Variants in PRKCB observed in about 807,000 individuals in gnomAD.
PRKCB encodes protein kinase C beta.
PRKCB carries 13 observed loss-of-function variants against 81.5 expected under a neutral mutation model. That is an observed-to-expected ratio of 0.16 (90% CI 0.10 to 0.25). PRKCB has a LOEUF of 0.25. PRKCB is among the 10% of genes least tolerant of loss of function. The pLI is 1.00. For missense variants in PRKCB, 509 were observed against 875.7 expected, an observed-to-expected ratio of 0.58 and a Z score of 5.29; for synonymous variants, 335 against 321.4, an observed-to-expected ratio of 1.04 and a Z score of -0.45.
intron 2 of PRKCB, among the ~76,000 whole-genome samples, chr16:23,928,517 A>T (rs1472513396): frequency 1.3e-5 from 2 of 152,112 alleles, no homozygotes; most frequent in African/African-American, 4.8e-5. Flanking sequence ...CAGGCCTTGT[A>T]TAAGGAAGTG....
In PRKCB at chr16:23,890,616, C is replaced by T. The variant is rs577356572; in HGVS notation, c.205+53210C>T. ...GGCTAGCTAGCTCCAATCCTAATGC[C>T]CGTGCCATCAACTGCTTCATTTCTG... On this transcript the variant is annotated intron_variant, in intron 2 of 16. Transcript: ENST00000643927. Among the ~76,000 whole-genome samples, 63 of 152,290 alleles carry T rather than the reference C, an allele frequency of 4.1e-4. No homozygotes were observed. The South Asian group carries it at 0.012, about 30-fold the overall frequency.
chr16:23,846,082 T>A (rs567641061), intron 2 of PRKCB, among the ~76,000 whole-genome samples: 46 of 152,330 alleles, frequency 3.0e-4, no homozygotes, highest in Middle Eastern at 3.4e-3. Flanking sequence ...GCTTAGGCAG[T>A]ATTTTCTCTT....
intron 2 of PRKCB, among the ~76,000 whole-genome samples, chr16:23,899,809 ATT>A (rs1165224114): frequency 0.15 from 8 of 54 alleles, 3 homozygotes; most frequent in African/African-American, 0.36. Flanking sequence ...AGCAAATAAA[ATT>A]TATTTATTTA....
At chr16:23,858,524 G>T (rs1962610577) in intron 2 of PRKCB, among the ~76,000 whole-genome samples, 1 of 141,068 alleles carries the variant, frequency 7.1e-6, no homozygotes, top group African/African-American at 2.7e-5. Context: ...CTAGTGGGAG[G>T]AATACTTCCA....
intron 5 of PRKCB, among the ~76,000 whole-genome samples, chr16:24,076,473 G>A (rs555818296): frequency 6.6e-6 from 1 of 152,158 alleles, no homozygotes. Flanking sequence ...GGAGAAAGAC[G>A]AGACAGAAGC....
At chr16:23,985,718 A>T (rs544829344) in intron 2 of PRKCB, among the ~76,000 whole-genome samples, 1 of 152,306 alleles carries the variant, frequency 6.6e-6, no homozygotes, top group East Asian at 1.9e-4. Context: ...ATCTTGATAA[A>T]CTGATTCTAA....
At chr16:24,065,457 T>G (rs1216632363) in intron 5 of PRKCB, among the ~76,000 whole-genome samples, 1 of 152,200 alleles carries the variant, frequency 6.6e-6, no homozygotes, top group Non-Finnish European at 1.5e-5. Context: ...ACGTTCCAAA[T>G]GATCCTAGGT....
chr16:24,194,314 A>T lies in PRKCB; in HGVS notation c.1863+3084A>T, dbSNP rs527772141. The stretch of plus-strand genomic sequence containing the variant: ...GCACTCTAGCCTGGGTGACAGAGCA[A>T]GACTCCGTCTCAAAAACAAACAAAC... On this transcript the variant is annotated intron_variant, in intron 16 of 16. Transcript: ENST00000643927. Among the ~76,000 whole-genome samples, 8 of 152,292 alleles carry T rather than the reference A, an allele frequency of 5.3e-5. No individual in the cohort carries two copies. The South Asian group carries it at 1.0e-3, about 20-fold the overall frequency.
At chr16:24,015,133 C>G (rs1366677421) in intron 3 of PRKCB, among the ~76,000 whole-genome samples, 1 of 152,130 alleles carries the variant, frequency 6.6e-6, no homozygotes, top group Non-Finnish European at 1.5e-5. Flanking sequence ...GACCCTGAAG[C>G]TCAGAGAGGT....
intron 10 of PRKCB, among the ~76,000 whole-genome samples, chr16:24,166,659 C>T (rs973770667): frequency 1.3e-5 from 2 of 152,190 alleles, no homozygotes; most frequent in African/African-American, 4.8e-5. Context: ...CCCTGTCCCT[C>T]GCCTGGGAAT....
intron 9 of PRKCB, among the ~76,000 whole-genome samples, chr16:24,133,346 T>C (rs1966856317): frequency 6.6e-6 from 1 of 152,238 alleles, no homozygotes; most frequent in Non-Finnish European, 1.5e-5. Context: ...TACCTGTCCA[T>C]GTGTAAATAA....
intron 9 of PRKCB, among the ~76,000 whole-genome samples, chr16:24,140,236 G>A (rs1329181135): frequency 6.6e-6 from 1 of 152,152 alleles, no homozygotes. Context: ...ATCAGAATTA[G>A]GGCCTTCAAG....
At chr16:23,900,683 A>G (rs1963456049) in intron 2 of PRKCB, among the ~76,000 whole-genome samples, 1 of 137,626 alleles carries the variant, frequency 7.3e-6, no homozygotes, top group African/African-American at 2.8e-5. Context: ...ATCAGCGCAT[A>G]TAGAGCAGCC....
intron 3 of PRKCB, among the ~76,000 whole-genome samples, chr16:23,999,471 A>G (rs1280276306): frequency 1.3e-5 from 2 of 152,204 alleles, no homozygotes; most frequent in African/African-American, 4.8e-5. Flanking sequence ...CCGTGAACCT[A>G]GCTACTGAGC....
At chr16:24,150,127 T>G (rs767628502) in intron 9 of PRKCB, among the ~76,000 whole-genome samples, 2 of 151,976 alleles carry the variant, frequency 1.3e-5, no homozygotes, top group Non-Finnish European at 2.9e-5. Context: ...GGTCTGGAGT[T>G]TGAGAACAGC....
chr16:23,891,267 G>A (rs1043979580), intron 2 of PRKCB, among the ~76,000 whole-genome samples: 1 of 152,008 alleles, frequency 6.6e-6, no homozygotes, highest in African/African-American at 2.4e-5. Flanking sequence ...TGCCTGCGCT[G>A]TTCTTGAACT....
intron 8 of PRKCB, among the ~76,000 whole-genome samples, chr16:24,118,254 T>C (rs1316630165): frequency 6.6e-6 from 1 of 152,276 alleles, no homozygotes; most frequent in African/African-American, 2.4e-5. Context: ...ATAGCACTTC[T>C]TACCTCATGA....
chr16:24,114,227 T>C (rs543010974), intron 8 of PRKCB, among the ~76,000 whole-genome samples: 17 of 139,206 alleles, frequency 1.2e-4, no homozygotes, highest in African/African-American at 4.5e-4. Flanking sequence ...TGGTGCGATC[T>C]CGGCTCACTG....
At chr16:24,182,598 A>G (rs967844640) in intron 13 of PRKCB, among the ~76,000 whole-genome samples, 6 of 152,190 alleles carry the variant, frequency 3.9e-5, no homozygotes, top group African/African-American at 1.4e-4. Flanking sequence ...CCTCATGACA[A>G]GCCAACAAGT....
Sources: gnomAD v4.1 joint callset for allele counts (sites outside exome capture counted in the v4.1 genomes callset) on GRCh38, gnomAD v4.1.1 for gene constraint, MANE v1.5 for transcripts, NCBI Gene and HGNC (gene_info 2026-07-23, HGNC 2026-07-21) for gene names.